The following ATP8A2 variants were observed in gnomAD, a reference collection of about 807,000 sequenced individuals.
ATP8A2 encodes the protein ATPase phospholipid transporting 8A2, also known as phospholipid-transporting ATPase IB.
ATP8A2 carries 100 observed loss-of-function variants against 165.6 expected under a neutral mutation model. The observed-to-expected ratio is 0.60, with a 90% CI of 0.51 to 0.71. The LOEUF (loss-of-function observed/expected upper bound fraction) is 0.71, where lower values mean the gene tolerates loss of function less well. Ranked by LOEUF, ATP8A2 falls within the 30% of genes least tolerant of loss-of-function variation. The pLI, the probability that ATP8A2 is intolerant of heterozygous loss-of-function variation, is 0.00. For missense variants in ATP8A2, 1,227 were observed against 1,479.5 expected, an observed-to-expected ratio of 0.83 and a Z score of 2.80; for synonymous variants, 543 against 548.8, an observed-to-expected ratio of 0.99 and a Z score of 0.15.
intron 27 of ATP8A2, among the ~76,000 whole-genome samples, chr13:25,797,222 C>T (rs971795909): frequency 6.6e-6 from 1 of 152,066 alleles, no homozygotes; most frequent in African/African-American, 2.4e-5. Context: ...GAGCCAAGAT[C>T]GCACCATTGC....
At chr13:25,551,317 A>G (rs1366977065) in intron 10 of ATP8A2, 21 bp from the exon 11 acceptor site, 1 of 1,601,978 alleles carries the variant, frequency 6.2e-7, no homozygotes, top group Non-Finnish European at 8.5e-7. Context: ...ACCCTTACTG[A>G]CTTTCAATGC....
intron 32 of ATP8A2, among the ~76,000 whole-genome samples, chr13:25,861,606 A>G (rs1258192966): frequency 2.0e-5 from 3 of 152,222 alleles, no homozygotes; most frequent in East Asian, 3.9e-4. Flanking sequence ...GACAGTGGCA[A>G]TTAATCCGGG....
chr13:25,513,446 C>T (rs545747485), intron 2 of ATP8A2, among the ~76,000 whole-genome samples: 64 of 149,476 alleles, frequency 4.3e-4, no homozygotes, highest in African/African-American at 1.3e-3. Context: ...TGATGGCGGC[C>T]GGGAAGAGGC....
At chr13:25,414,518 T>C (rs7320645) in intron 1 of ATP8A2, among the ~76,000 whole-genome samples, 53,200 of 151,954 alleles carry the variant, frequency 0.35, 9,997 homozygotes, top group East Asian at 0.62. Flanking sequence ...ACAGAAGTAC[T>C]CATCATAATA....
At chr13:25,452,264 C>T (rs938762127) in intron 1 of ATP8A2, among the ~76,000 whole-genome samples, 14 of 152,222 alleles carry the variant, frequency 9.2e-5, no homozygotes, top group African/African-American at 3.4e-4. Context: ...AACGGGTGAC[C>T]ACCCACATTC....
chr13:25,550,705 C>T (rs753867954), intron 10 of ATP8A2, among the ~76,000 whole-genome samples: 2 of 152,210 alleles, frequency 1.3e-5, no homozygotes, highest in Non-Finnish European at 2.9e-5. Context: ...TCAGCTTTCT[C>T]CTGTCCAGGC....
intron 2 of ATP8A2, among the ~76,000 whole-genome samples, chr13:25,475,067 G>A (rs2035955290): frequency 1.3e-5 from 2 of 151,942 alleles, no homozygotes; most frequent in South Asian, 2.1e-4. Context: ...TGATCCACCC[G>A]CCTTGGCCTC....
At chr13:25,569,890 T>A (rs1246884582) in intron 16 of ATP8A2, among the ~76,000 whole-genome samples, 5 of 152,212 alleles carry the variant, frequency 3.3e-5, no homozygotes, top group Non-Finnish European at 7.3e-5. Flanking sequence ...TAGTGGTCAC[T>A]GAAATAATTT....
intron 24 of ATP8A2, among the ~76,000 whole-genome samples, chr13:25,650,342 C>T (rs1270577508): frequency 1.3e-5 from 2 of 152,098 alleles, no homozygotes; most frequent in Non-Finnish European, 2.9e-5. Context: ...TCCTATCCCA[C>T]CATCTTGCTG....
At chr13:25,514,647 C>G (rs980072749) in intron 2 of ATP8A2, among the ~76,000 whole-genome samples, 2 of 152,182 alleles carry the variant, frequency 1.3e-5, no homozygotes, top group East Asian at 3.9e-4. Context: ...TCTTTTGCTT[C>G]GAACTCTTTA....
chr13:26,013,758 T>C (rs1956901758), intron 36 of ATP8A2, among the ~76,000 whole-genome samples: 1 of 151,984 alleles, frequency 6.6e-6, no homozygotes, highest in South Asian at 2.1e-4. Flanking sequence ...CAGTGAAGGA[T>C]CTGTGTTCTG....
rs1221499006 is a variant in ATP8A2 at position 25,676,460 on chromosome 13, T to C, written c.2212-22713T>C. On this transcript the variant is annotated intron_variant, in intron 24 of 36. Coordinates refer to ENST00000381655, the MANE Select transcript of ATP8A2 (RefSeq NM_016529.6). The stretch of plus-strand genomic sequence containing the variant: ...CTCAGGGGTCTGCAGAAGGGTAACA[T>C]CTAATTGAGTTCTGAGACCACACGT... Among the ~76,000 whole-genome samples the C allele has an allele frequency of 3.3e-5, 5 of 152,236 alleles. No individual in the cohort carries two copies. In the East Asian group the frequency reaches 9.7e-4, roughly 29 times the overall value.
chr13:25,759,560 G>T (rs1447457711), intron 25 of ATP8A2, among the ~76,000 whole-genome samples: 2 of 152,264 alleles, frequency 1.3e-5, no homozygotes, highest in South Asian at 2.1e-4. Flanking sequence ...GCTCCTGAGA[G>T]GGTCTTGGGG....
At position 25,953,545 on chromosome 13, in the gene ATP8A2, A is replaced by AAAAAAAACAAC. The variant is rs1566299785; in HGVS notation, c.3184-8029_3184-8028insAAAAAACAACA. Reference sequence around the variant, plus strand: ...TTTAAAAAAAAAAAAAAAAAAAAAAAAGCAAGGGAAATAGGCAAGACGGCC... The same window carrying AAAAAAAACAAC: ...TTTAAAAAAAAAAAAAAAAAAAAAAAAAAAAAACAACAGCAAGGGAAATAGGCAAGACGGCC... On this transcript the variant is annotated intron_variant, in intron 33 of 36. Transcript: ENST00000381655. The surrounding 1 kb of genome is among the most constrained non-coding windows in gnomAD (Gnocchi z 6.7). Among the ~76,000 whole-genome samples the AAAAAAAACAAC allele has an allele frequency of 9.0e-5, 11 of 122,760 alleles. No individual in the cohort carries two copies. Among genetic ancestry groups the AAAAAAAACAAC allele is most frequent in the African/African-American group, 3.2e-4 (9 of 27,706 alleles). 80.5% of individuals were successfully genotyped at this position (122,760 alleles called of 152,430 possible).
At chr13:25,546,356 G>T (rs1237695273) in intron 10 of ATP8A2, among the ~76,000 whole-genome samples, 2 of 152,100 alleles carry the variant, frequency 1.3e-5, no homozygotes, top group African/African-American at 4.8e-5. Context: ...GACCTGCTGT[G>T]CCTTTAGGGC....
chr13:25,666,949 A>G (rs1276059082), intron 24 of ATP8A2, among the ~76,000 whole-genome samples: 2 of 152,218 alleles, frequency 1.3e-5, no homozygotes, highest in East Asian at 3.9e-4. Context: ...AAACAAAATT[A>G]GAAGTCATTA....
At chr13:25,936,441 C>T (rs1424811584) in intron 33 of ATP8A2, among the ~76,000 whole-genome samples, 1 of 152,236 alleles carries the variant, frequency 6.6e-6, no homozygotes, top group Non-Finnish European at 1.5e-5. Context: ...ATTAAATAAG[C>T]CTCAATGGGC....
At chr13:25,618,840 A>G (rs967052995) in intron 24 of ATP8A2, among the ~76,000 whole-genome samples, 13 of 152,030 alleles carry the variant, frequency 8.6e-5, no homozygotes, top group Non-Finnish European at 1.6e-4. Context: ...ATGCATTTCA[A>G]TCAGTTCTTG....
intron 1 of ATP8A2, among the ~76,000 whole-genome samples, chr13:25,406,034 G>A (rs1205498097): frequency 1.3e-5 from 2 of 152,162 alleles, no homozygotes; most frequent in Non-Finnish European, 2.9e-5. Context: ...TTGGCACTAA[G>A]AACTCAAAGA....
Sources: allele counts gnomAD v4.1 joint callset (sites outside exome capture counted in the v4.1 genomes callset), GRCh38; gene constraint gnomAD v4.1.1; non-coding constraint Gnocchi (gnomAD v3.1); transcripts MANE v1.5; gene names NCBI Gene and HGNC (gene_info 2026-07-23, HGNC 2026-07-21).